The following WDR44 variants were observed in gnomAD, a reference collection of about 807,000 sequenced individuals.
The protein encoded by WDR44 is WD repeat domain 44.
WDR44 carries 9 observed loss-of-function variants against 65.7 expected under a neutral mutation model. The ratio of observed to expected loss-of-function variants is 0.14; its 90% CI spans 0.08 to 0.24. The LOEUF is 0.24. Ranked by LOEUF, WDR44 falls within the 10% of genes least tolerant of loss-of-function variation. The pLI is 1.00. For synonymous variants in WDR44, 220 were observed against 235.2 expected (o/e 0.94, Z 0.59); for missense variants, 425 against 670.9 (o/e 0.63, Z 4.05).
At chrX:118,396,607 A>C (rs111883375) in intron 6 of WDR44, among the ~76,000 whole-genome samples, 6 of 112,218 alleles carry the variant, frequency 5.3e-5, no homozygotes, top group African/African-American at 1.6e-4. Flanking sequence ...AATGTATGGA[A>C]TAGGCAAATC....
At chrX:118,369,763 A>C (rs1223434190) in intron 1 of WDR44, among the ~76,000 whole-genome samples, 1 of 112,132 alleles carries the variant, frequency 8.9e-6, no homozygotes, top group African/African-American at 3.2e-5. Context: ...TACCACGTCC[A>C]GCCGAAAATA....
chrX:118,436,421 C>G, intron 13 of WDR44: 1 of 341,354 alleles, frequency 2.9e-6, no homozygotes, highest in Non-Finnish European at 5.4e-6. Flanking sequence ...CACCTTAGTT[C>G]TCTGCTGGTG....
rs748623908 is a variant in WDR44 at position 118,426,240 on chromosome X, TCTTG to T, written c.1738-6537_1738-6534del. Among the ~76,000 whole-genome samples, 225 of 111,756 alleles carry T rather than the reference TCTTG, an allele frequency of 2.0e-3. 1 individual carries two copies. Among genetic ancestry groups the T allele is most frequent in the African/African-American group, 6.9e-3 (214 of 30,844 alleles). On this transcript the variant is annotated intron_variant, in intron 12 of 19. Transcript: ENST00000254029. ...ACTGATAAAATTATTAGTGTCTAGA[TCTTG>T]CTTTCAATGCTGCAGCAAAAATAAA...
intron 12 of WDR44, among the ~76,000 whole-genome samples, chrX:118,425,690 A>G (rs2057150498): frequency 8.9e-6 from 1 of 112,275 alleles, no homozygotes; most frequent in Non-Finnish European, 1.9e-5. Flanking sequence ...TGGTATTCCA[A>G]ATAAGCAATA....
At chrX:118,378,735 T>TG (rs1556057149) in intron 2 of WDR44, among the ~76,000 whole-genome samples, 1,470 of 106,433 alleles carry the variant, frequency 0.014, 34 homozygotes, top group African/African-American at 0.049. Flanking sequence ...TGTGTGTGTG[T>TG]TGAAAAAGTG....
chrX:118,437,521 C>A (rs2057263664), intron 14 of WDR44, among the ~76,000 whole-genome samples: 1 of 111,872 alleles, frequency 8.9e-6, no homozygotes, highest in African/African-American at 3.2e-5. Flanking sequence ...CTCGAGCTGA[C>A]CCTAGCAACA....
chrX:118,392,791 G>A lies in WDR44; in HGVS notation c.346G>A (p.Val116Ile), dbSNP rs768011626. ...NIPGLLAIDQ[V>I]LPEESQKAES... is the part of the protein sequence containing the mutation. ...ACCCGGACTGTTAGCCATAGATCAA[G>A]TACTACCGGAAGAATCCCAAAAGGC... The change falls in exon 4 of 20, where the codon GTA (valine) becomes ATA (isoleucine). Residue 116 changes from valine (V) to isoleucine (I), a missense_variant. Val to Ile is a conservative substitution (Grantham distance 29). Around this residue, in one of 5 missense-constraint regions of WDR44, gnomAD observed 193 missense variants for 209.0 expected, o/e 0.92. Coordinates refer to ENST00000254029, the MANE Select transcript of WDR44 (RefSeq NM_019045.5). 5.8e-6 allele frequency: 7 copies of A among 1,211,789 alleles called. No individual in the cohort carries two copies. The highest frequency in any genetic ancestry group is 4.5e-6 in the Non-Finnish European group (4 of 895,541).
chrX:118,352,352 A>ATTTTTTTTTT (rs556374639), intron 1 of WDR44, among the ~76,000 whole-genome samples: 2 of 14,224 alleles, frequency 1.4e-4, no homozygotes, highest in African/African-American at 7.4e-4. Flanking sequence ...ATATATATAT[A>ATTTTTTTTTT]TTTTTTTTTT....
In WDR44 at chrX:118,436,686, G is replaced by T. The variant is rs762733519; in HGVS notation, c.1852-16G>T. ...TTCATATAGTGATAACATAGTCAAT[G>T]TCATTTTCCCCATAGAACTACTTTC... On this transcript the variant is annotated splice_polypyrimidine_tract_variant and intron_variant, in intron 13 of 19. Transcript: ENST00000254029. The T allele has an allele frequency of 2.5e-6, 3 of 1,179,263 alleles. No homozygotes were observed. The highest frequency in any genetic ancestry group is 3.4e-6 in the Non-Finnish European group (3 of 877,235).
At position 118,346,570 on chromosome X, in the gene WDR44, T is replaced by C; in HGVS notation, c.67T>C (p.Tyr23His). Residue 23 changes from tyrosine to histidine, a missense_variant, in exon 1 of 20, where the codon TAC becomes CAC. Coordinates refer to ENST00000254029, the MANE Select transcript of WDR44 (RefSeq NM_019045.5). ...TGAAGATGTGCACCTAGGGGGCGGC[T>C]ACCCCGTGGGGTAAGTGACTGCAGC... is the stretch of plus-strand genomic sequence containing the variant. ...APEDVHLGGG[Y>H]PVGSPGKVGL... The C allele has an allele frequency of 1.7e-6, 2 of 1,192,178 alleles. No individual in the cohort carries two copies. Among genetic ancestry groups the C allele is most frequent in the Non-Finnish European group, 2.3e-6 (2 of 884,804 alleles).
chrX:118,447,057 T>C (rs1156376014), intron 19 of WDR44: 3 of 315,759 alleles, frequency 9.5e-6, no homozygotes, highest in Admixed American at 3.3e-5. Context: ...TTCTTTTTGC[T>C]AGCAATGAGT....
At chrX:118,387,251 C>A in intron 2 of WDR44, 89 bp from the exon 3 acceptor site, 4 of 442,338 alleles carry the variant, frequency 9.0e-6, no homozygotes, top group East Asian at 5.0e-5. Flanking sequence ...TTTATTAATG[C>A]TACATTTTCT....
intron 14 of WDR44, among the ~76,000 whole-genome samples, 154 bp from the exon 15 acceptor site, chrX:118,441,214 C>T (rs1281615694): frequency 9.0e-6 from 1 of 111,162 alleles, no homozygotes; most frequent in African/African-American, 3.3e-5. Context: ...GCCTTGGCCT[C>T]CCCCAAAGTG....
chrX:118,442,646 G>A lies in WDR44; in HGVS notation c.2350G>A (p.Val784Ile). Residue 784 changes from valine (V) to isoleucine (I), a missense_variant, in exon 17 of 20, where the codon GTC (valine) becomes ATC (isoleucine). This residue lies in a region of WDR44 where 73 missense variants were observed against 187.4 expected (regional missense o/e 0.39). Coordinates refer to ENST00000254029, the MANE Select transcript of WDR44 (RefSeq NM_019045.5). The part of the protein sequence containing the change: ...LSLSMKYKGY[V>I]NSSSQIKASF... ...ACTATCCATGAAGTATAAGGGTTAC[G>A]TCAATAGCAGCAGCCAGATCAAAGC... 3.3e-6 allele frequency: 4 copies of A among 1,210,750 alleles called. No individual in the cohort carries two copies. The highest frequency in any genetic ancestry group is 2.2e-5 in the Admixed American group (1 of 45,921).
rs138197200 is a variant in WDR44 at position 118,423,415 on chromosome X, C to T, written c.1738-9366C>T. Among the ~76,000 whole-genome samples the T allele has an allele frequency of 7.1e-4, 79 of 111,978 alleles. 1 individual carries two copies. In the East Asian group the frequency reaches 0.021, roughly 30 times the overall value. ...AACTCCTGACCTCAGGTGATCCACCCGCCTTGGCCTCCCAAAGTGTTGGGA... is the reference window on the plus strand; with the variant it reads ...AACTCCTGACCTCAGGTGATCCACCTGCCTTGGCCTCCCAAAGTGTTGGGA... On this transcript the variant is annotated intron_variant, in intron 12 of 19. Coordinates refer to ENST00000254029, the MANE Select transcript of WDR44 (RefSeq NM_019045.5).
chrX:118,363,379 A>C, intron 1 of WDR44, among the ~76,000 whole-genome samples: 1 of 98,913 alleles, frequency 1.0e-5, no homozygotes. Context: ...CCAGCCTGGG[A>C]GATAAGAGTG....
chrX:118,445,093 A>C (rs1400372730), intron 19 of WDR44: 2 of 287,227 alleles, frequency 7.0e-6, no homozygotes, highest in Non-Finnish European at 1.3e-5. Context: ...CAGGAGATCG[A>C]GACCATCCTG....
intron 13 of WDR44, chrX:118,436,476 A>G: frequency 4.4e-6 from 2 of 456,009 alleles, no homozygotes; most frequent in Non-Finnish European, 7.9e-6. Flanking sequence ...TCTGAATTTC[A>G]GAACAGGTAA....
At chrX:118,386,484 C>A (rs770351900) in intron 2 of WDR44, 1 of 338,318 alleles carries the variant, frequency 3.0e-6, no homozygotes, top group South Asian at 2.9e-5. Flanking sequence ...TTTTTTTCAT[C>A]TTTTTTCATA....
Sources: allele counts gnomAD v4.1 joint callset (sites outside exome capture counted in the v4.1 genomes callset), GRCh38; gene constraint gnomAD v4.1.1; regional missense constraint gnomAD v4.1.1; transcripts MANE v1.5; gene names NCBI Gene and HGNC (gene_info 2026-07-23, HGNC 2026-07-21).